Variants in AUTS2 observed in about 807,000 individuals in gnomAD.
AUTS2 encodes the protein autism susceptibility gene 2 protein.
Under a neutral mutation model 112.4 loss-of-function variants are expected in AUTS2, and 17 were observed. The ratio of observed to expected loss-of-function variants is 0.15; its 90% CI spans 0.10 to 0.23. The LOEUF (loss-of-function observed/expected upper bound fraction) is 0.23, where lower values mean the gene tolerates loss of function less well. AUTS2 is among the 10% of genes least tolerant of loss of function. The pLI is 1.00. For synonymous variants in AUTS2, 751 were observed against 702.7 expected, an observed-to-expected ratio of 1.07 and a Z score of -1.09; for missense variants, 1,510 against 1,701.6, an observed-to-expected ratio of 0.89 and a Z score of 1.98.
intron 1 of AUTS2, among the ~76,000 whole-genome samples, chr7:69,657,968 C>A (rs1001229092): frequency 1.3e-5 from 2 of 152,222 alleles, no homozygotes; most frequent in Non-Finnish European, 2.9e-5. Flanking sequence ...CAGGCCAAAC[C>A]AGGCCACTAC....
chr7:70,119,976 G>A (rs1409318752), intron 3 of AUTS2: 1 of 152,082 alleles, frequency 6.6e-6, no homozygotes, highest in East Asian at 1.9e-4. Context: ...CTAGTATTCA[G>A]TTTAACGAGC....
intron 2 of AUTS2, among the ~76,000 whole-genome samples, chr7:70,088,324 T>C (rs1803720662): frequency 6.6e-6 from 1 of 152,042 alleles, no homozygotes; most frequent in South Asian, 2.1e-4. Flanking sequence ...AGATGGGGTT[T>C]CACCATGTTA....
intron 5 of AUTS2, among the ~76,000 whole-genome samples, chr7:70,486,781 A>T (rs1351810034): frequency 6.6e-6 from 1 of 151,628 alleles, no homozygotes; most frequent in East Asian, 1.9e-4. Context: ...AGTAAAAATA[A>T]ATGTTAGTTA....
At chr7:70,008,264 T>G (rs1799636817) in intron 2 of AUTS2, among the ~76,000 whole-genome samples, 1 of 152,192 alleles carries the variant, frequency 6.6e-6, no homozygotes, top group Non-Finnish European at 1.5e-5. Flanking sequence ...TTCCTTTATT[T>G]TATGGTTTTT....
chr7:70,449,948 A>C (rs1796463687), intron 5 of AUTS2, among the ~76,000 whole-genome samples: 1 of 152,216 alleles, frequency 6.6e-6, no homozygotes, highest in Admixed American at 6.5e-5. Context: ...AAAGATCTCA[A>C]GGAATGTCAA....
chr7:70,233,235 C>T (rs1349081268), intron 4 of AUTS2, among the ~76,000 whole-genome samples: 2 of 152,194 alleles, frequency 1.3e-5, no homozygotes, highest in Non-Finnish European at 2.9e-5. Flanking sequence ...TTCCTACCCT[C>T]CCTACCACGT....
At chr7:70,772,941 A>G (rs1348622533) in intron 11 of AUTS2, among the ~76,000 whole-genome samples, 2 of 152,258 alleles carry the variant, frequency 1.3e-5, no homozygotes, top group Non-Finnish European at 2.9e-5. Context: ...TTAATAAATT[A>G]GACTATTTCC....
At chr7:69,691,143 G>T (rs1452385784) in intron 1 of AUTS2, among the ~76,000 whole-genome samples, 2 of 152,192 alleles carry the variant, frequency 1.3e-5, no homozygotes, top group Non-Finnish European at 2.9e-5. Context: ...GCTCGGAAGG[G>T]AGGAAGTATG....
intron 2 of AUTS2, among the ~76,000 whole-genome samples, chr7:69,918,700 A>G (rs1320284372): frequency 6.6e-6 from 1 of 152,220 alleles, no homozygotes; most frequent in African/African-American, 2.4e-5. Context: ...AGGTAACCAC[A>G]GTATTATAGT....
At chr7:70,042,296 A>C (rs570560040) in intron 2 of AUTS2, among the ~76,000 whole-genome samples, 1 of 152,156 alleles carries the variant, frequency 6.6e-6, no homozygotes, top group South Asian at 2.1e-4. Context: ...TAGTTTGCTA[A>C]ACTAAAGAGG....
intron 5 of AUTS2, among the ~76,000 whole-genome samples, chr7:70,449,081 CT>C (rs1313163153): frequency 6.6e-6 from 1 of 152,168 alleles, no homozygotes. Context: ...AATGTTTAGG[CT>C]TTTGGAATTT....
At chr7:70,211,194 C>T (rs1267552572) in intron 4 of AUTS2, among the ~76,000 whole-genome samples, 2 of 152,046 alleles carry the variant, frequency 1.3e-5, no homozygotes, top group Non-Finnish European at 2.9e-5. Flanking sequence ...TTTAGCATTG[C>T]TGAAGGAAGG....
rs141715576 is a variant in AUTS2, at chr7:69,676,419, G to C, written c.309+76457G>C. On this transcript the variant is annotated intron_variant, in intron 1 of 18. Coordinates refer to ENST00000342771, the MANE Select transcript of AUTS2 (RefSeq NM_015570.4). Reference sequence around the variant, plus strand: ...AGTTGCTGAGGCAAGGCCATGTCCTGGTTTGCTCTTTTTAAAATGCAGATG... The same window carrying C: ...AGTTGCTGAGGCAAGGCCATGTCCTCGTTTGCTCTTTTTAAAATGCAGATG... Among the ~76,000 whole-genome samples, 296 of 152,294 alleles carry C rather than the reference G, an allele frequency of 1.9e-3. 1 individual carries two copies. The highest frequency in any genetic ancestry group is 6.8e-3 in the African/African-American group (284 of 41,558).
intron 2 of AUTS2, among the ~76,000 whole-genome samples, chr7:70,114,539 TC>T (rs1335767370): frequency 6.6e-6 from 1 of 152,208 alleles, no homozygotes; most frequent in Non-Finnish European, 1.5e-5. Context: ...ACACCTGTAA[TC>T]CCAGCACTTT....
intron 5 of AUTS2, among the ~76,000 whole-genome samples, chr7:70,595,559 C>A (rs532443461): frequency 6.6e-6 from 1 of 151,982 alleles, no homozygotes; most frequent in African/African-American, 2.4e-5. Flanking sequence ...AGGAAGGCAG[C>A]CCCAAGGGCA....
At chr7:69,834,043 G>C (rs903529316) in intron 1 of AUTS2, among the ~76,000 whole-genome samples, 2 of 152,138 alleles carry the variant, frequency 1.3e-5, no homozygotes, top group Non-Finnish European at 2.9e-5. Flanking sequence ...CACTGCGATA[G>C]GCCTTGGAGA....
Position 69,884,950 on chromosome 7 carries a change from A to G in AUTS2, c.310-14336A>G, listed in dbSNP as rs183110208. Among the ~76,000 whole-genome samples the G allele has an allele frequency of 1.5e-3, 232 of 152,312 alleles. 1 individual carries two copies. Among genetic ancestry groups the G allele is most frequent in the African/African-American group, 4.7e-3 (195 of 41,580 alleles). On this transcript the variant is annotated intron_variant, in intron 1 of 18. Coordinates refer to ENST00000342771, the MANE Select transcript of AUTS2 (RefSeq NM_015570.4). ...CTTTTCTGTGTCTCTGAAAACCTGC[A>G]GGATAGTTTGTTTTATTTTTACCTA... is the stretch of plus-strand genomic sequence containing the variant.
intron 4 of AUTS2, among the ~76,000 whole-genome samples, chr7:70,154,654 A>G (rs1156908203): frequency 6.6e-6 from 1 of 152,164 alleles, no homozygotes; most frequent in African/African-American, 2.4e-5. Flanking sequence ...AACTGAGCAG[A>G]CTACATTTCC....
chr7:69,687,713 T>C (rs7781283), intron 1 of AUTS2, among the ~76,000 whole-genome samples: 2,935 of 152,292 alleles, frequency 0.019, 80 homozygotes, highest in South Asian at 0.063. Flanking sequence ...TTTTAAAATA[T>C]GGTCATCCTA....
Sources: allele counts gnomAD v4.1 joint callset (sites outside exome capture counted in the v4.1 genomes callset), GRCh38; gene constraint gnomAD v4.1.1; transcripts MANE v1.5; gene names NCBI Gene and HGNC (gene_info 2026-07-23, HGNC 2026-07-21).